The following LEF1 variants were observed in gnomAD, a reference collection of about 807,000 sequenced individuals.
The protein encoded by LEF1 is lymphoid enhancer binding factor 1.
Under a neutral mutation model 51.2 loss-of-function variants are expected in LEF1, and 14 were observed. The observed-to-expected ratio is 0.27, with a 90% CI of 0.18 to 0.43. The LOEUF (loss-of-function observed/expected upper bound fraction) is 0.43. Ranked by LOEUF, LEF1 falls within the 20% of genes least tolerant of loss-of-function variation. The probability of loss-of-function intolerance (pLI) is 1.00; values close to 1 mark genes in which losing one functional copy is unlikely to be tolerated. For missense variants in LEF1, 386 were observed against 512.0 expected, an observed-to-expected ratio of 0.75 and a Z score of 2.37; for synonymous variants, 185 against 183.2, an observed-to-expected ratio of 1.01 and a Z score of -0.08.
intron 6 of LEF1, among the ~76,000 whole-genome samples, chr4:108,079,853 G>A (rs183122471): frequency 4.5e-4 from 69 of 151,890 alleles, no homozygotes; most frequent in Middle Eastern, 3.4e-3. Context: ...GGAATTTCAC[G>A]AAAAGTAATT....
At chr4:108,139,334 A>G (rs761475405) in intron 3 of LEF1, among the ~76,000 whole-genome samples, 1 of 152,242 alleles carries the variant, frequency 6.6e-6, no homozygotes, top group Admixed American at 6.5e-5. Flanking sequence ...TATGCAAAGG[A>G]AAGTTATGAT....
intron 11 of LEF1, among the ~76,000 whole-genome samples, chr4:108,052,978 C>G (rs1023787176): frequency 6.6e-6 from 1 of 152,120 alleles, no homozygotes; most frequent in East Asian, 1.9e-4. Context: ...CAAAGGTCAC[C>G]CAACTAATAG....
chr4:108,131,893 A>T (rs1454277090), intron 3 of LEF1, among the ~76,000 whole-genome samples: 2 of 152,244 alleles, frequency 1.3e-5, no homozygotes, highest in African/African-American at 4.8e-5. Flanking sequence ...GTATAAAACC[A>T]CATATGAAAT....
At chr4:108,049,716 T>C (rs897586461) in intron 11 of LEF1, among the ~76,000 whole-genome samples, 2 of 152,274 alleles carry the variant, frequency 1.3e-5, no homozygotes, top group Admixed American at 1.3e-4. Flanking sequence ...AGCACAAGTT[T>C]CCTTTTAGAA....
intron 6 of LEF1, among the ~76,000 whole-genome samples, chr4:108,080,422 A>G (rs1460975747): frequency 6.6e-6 from 1 of 152,242 alleles, no homozygotes; most frequent in Non-Finnish European, 1.5e-5. Flanking sequence ...TTCAGCAAGA[A>G]CAACATTCTC....
At chr4:108,051,351 GA>G (rs1371948652) in intron 11 of LEF1, among the ~76,000 whole-genome samples, 3 of 152,198 alleles carry the variant, frequency 2.0e-5, no homozygotes, top group African/African-American at 7.2e-5. Flanking sequence ...TGTCAGGGGA[GA>G]CCAAGTCTTA....
intron 3 of LEF1, among the ~76,000 whole-genome samples, chr4:108,149,955 CCA>C (rs1744265233): frequency 6.8e-6 from 1 of 146,002 alleles, no homozygotes. Context: ...TTACTGTTAA[CCA>C]AAAAAAAAAA....
intron 3 of LEF1, among the ~76,000 whole-genome samples, chr4:108,130,035 C>A (rs543322186): frequency 6.6e-6 from 1 of 152,158 alleles, no homozygotes; most frequent in African/African-American, 2.4e-5. Context: ...ATAGTGATCC[C>A]ATTTTTCATT....
At chr4:108,098,935 C>A (rs1011518133) in intron 3 of LEF1, among the ~76,000 whole-genome samples, 24 of 152,154 alleles carry the variant, frequency 1.6e-4, no homozygotes, top group African/African-American at 5.3e-4. Context: ...GTAAGATCAG[C>A]ATTAAAGCTA....
At chr4:108,146,537 A>G (rs1440320322) in intron 3 of LEF1, among the ~76,000 whole-genome samples, 1 of 150,884 alleles carries the variant, frequency 6.6e-6, no homozygotes, top group East Asian at 1.9e-4. Context: ...AGCAGAAAAA[A>G]CCTCCTTTCT....
intron 3 of LEF1, among the ~76,000 whole-genome samples, chr4:108,133,315 G>A (rs569493360): frequency 6.6e-6 from 1 of 152,286 alleles, no homozygotes; most frequent in African/African-American, 2.4e-5. Flanking sequence ...CTTATTAAAT[G>A]AGAGTTTATC....
chr4:108,149,858 G>A (rs1484846173), intron 3 of LEF1, among the ~76,000 whole-genome samples: 1 of 150,954 alleles, frequency 6.6e-6, no homozygotes, highest in Non-Finnish European at 1.5e-5. Flanking sequence ...TCATCAAAAT[G>A]AAACCATTAT....
At chr4:108,091,444 A>T (rs1207063553) in intron 3 of LEF1, among the ~76,000 whole-genome samples, 1 of 33,790 alleles carries the variant, frequency 3.0e-5, no homozygotes, top group Middle Eastern at 0.029. Context: ...AAAGAAACTT[A>T]CGGGGGGGGG....
At chr4:108,072,214 G>GAATAGAGT (rs1738520560) in intron 8 of LEF1, 1 of 41,966 alleles carries the variant, frequency 2.4e-5, no homozygotes, top group Non-Finnish European at 6.7e-5. Context: ...GTTGGAGGAA[G>GAATAGAGT]GATAGAGTGA....
chr4:108,145,321 T>G (rs930017265), intron 3 of LEF1, among the ~76,000 whole-genome samples: 1 of 152,166 alleles, frequency 6.6e-6, no homozygotes, highest in Non-Finnish European at 1.5e-5. Context: ...CTTTAAGAGC[T>G]TGCATTAAAG....
chr4:108,133,735 C>T (rs1743053291), intron 3 of LEF1, among the ~76,000 whole-genome samples: 1 of 152,214 alleles, frequency 6.6e-6, no homozygotes, highest in African/African-American at 2.4e-5. Flanking sequence ...CAGTTTCCTA[C>T]TCAATAAACT....
intron 3 of LEF1, among the ~76,000 whole-genome samples, chr4:108,130,205 G>A (rs544702285): frequency 6.6e-6 from 1 of 152,292 alleles, no homozygotes; most frequent in African/African-American, 2.4e-5. Context: ...TAAAAAAAGA[G>A]GAGGACAGAT....
intron 3 of LEF1, among the ~76,000 whole-genome samples, chr4:108,097,634 C>T (rs1181675603): frequency 6.6e-6 from 1 of 152,148 alleles, no homozygotes; most frequent in Non-Finnish European, 1.5e-5. Flanking sequence ...ATGGATACCC[C>T]AATTACCTGG....
intron 3 of LEF1, among the ~76,000 whole-genome samples, chr4:108,107,614 AT>A (rs1741256115): frequency 1.3e-5 from 2 of 152,036 alleles, no homozygotes; most frequent in African/African-American, 4.8e-5. Context: ...ATGCATATAA[AT>A]TTTCTAGCTT....
Sources: allele counts gnomAD v4.1 joint callset (sites outside exome capture counted in the v4.1 genomes callset), GRCh38; gene constraint gnomAD v4.1.1; transcripts MANE v1.5; gene names NCBI Gene and HGNC (gene_info 2026-07-23, HGNC 2026-07-21).